AP3B1: variants seen among roughly 807,000 people sequenced by gnomAD.
AP3B1 encodes the protein AP-3 complex subunit beta-1.
In AP3B1, 61 loss-of-function variants were observed where a neutral mutation model predicts 132.5. That is an observed-to-expected ratio of 0.46 (90% CI 0.37 to 0.57). AP3B1 has a LOEUF of 0.57. Ranked by LOEUF, AP3B1 falls within the 20% of genes least tolerant of loss-of-function variation. The probability of loss-of-function intolerance (pLI) is 0.00; values close to 1 mark genes in which losing one functional copy is unlikely to be tolerated. For missense variants in AP3B1, 1,120 were observed against 1,289.4 expected, an observed-to-expected ratio of 0.87 and a Z score of 2.01; for synonymous variants, 388 against 438.3, an observed-to-expected ratio of 0.89 and a Z score of 1.43.
At position 78,163,603 on chromosome 5, in the gene AP3B1, ATG is replaced by A. The variant is rs568118758; in HGVS notation, c.1231-654_1231-653del. On this transcript the variant is annotated intron_variant, in intron 12 of 26. Transcript: ENST00000255194. ...TATGTGTGTGTGTGTATATATATAT[ATG>A]TGTGTGTGTGTATATATAGTATATA... Among the ~76,000 whole-genome samples the A allele has an allele frequency of 7.1e-3, 952 of 133,296 alleles. 8 individuals are homozygous for A. The highest frequency in any genetic ancestry group is 0.026 in the African/African-American group (907 of 34,986). 87.4% of individuals were successfully genotyped at this position (133,296 alleles called of 152,430 possible).
At chr5:78,036,424 G>A (rs187325447) in intron 23 of AP3B1, among the ~76,000 whole-genome samples, 6 of 152,084 alleles carry the variant, frequency 3.9e-5, no homozygotes, top group South Asian at 2.1e-4. Context: ...GCTCTGTTAC[G>A]CCACAACATT....
chr5:78,175,755 C>T, intron 10 of AP3B1, 29 bp downstream of exon 10: 1 of 1,610,500 alleles, frequency 6.2e-7, no homozygotes, highest in Non-Finnish European at 8.5e-7. Flanking sequence ...TCATGTGTCT[C>T]TTAAATTACG....
chr5:78,066,613 A>G (rs1030302815), intron 22 of AP3B1, among the ~76,000 whole-genome samples: 2 of 152,220 alleles, frequency 1.3e-5, no homozygotes, highest in African/African-American at 4.8e-5. Flanking sequence ...AGACAAAATT[A>G]GAGAAAAATG....
chr5:78,176,545 C>G (rs956844351), intron 9 of AP3B1, among the ~76,000 whole-genome samples: 3 of 151,994 alleles, frequency 2.0e-5, no homozygotes, highest in African/African-American at 7.2e-5. Context: ...AACAAGCACT[C>G]AATGAAAAAC....
At chr5:78,251,365 A>G (rs1473426104) in intron 2 of AP3B1, among the ~76,000 whole-genome samples, 1 of 152,196 alleles carries the variant, frequency 6.6e-6, no homozygotes, top group Non-Finnish European at 1.5e-5. Flanking sequence ...AAGAACCAAA[A>G]ATCAGGGGAG....
chr5:78,092,634 C>T (rs1230562107), intron 21 of AP3B1, among the ~76,000 whole-genome samples: 1 of 152,126 alleles, frequency 6.6e-6, no homozygotes, highest in African/African-American at 2.4e-5. Flanking sequence ...TAAGCTGGTA[C>T]AAGCTTTCTG....
chr5:78,099,729 A>G lies in AP3B1; in HGVS notation c.2470+1224T>C, dbSNP rs74531913. Among the ~76,000 whole-genome samples the G allele has an allele frequency of 7.8e-3, 1,191 of 152,116 alleles. 20 individuals carry two copies. The highest frequency in any genetic ancestry group is 0.027 in the African/African-American group (1,105 of 41,486). ...GGCTAACACAGTGAAACCCGCCTCT[A>G]CTAAAAAAAAATACAAAAAATTAGC... On this transcript the variant is annotated intron_variant, in intron 21 of 26. Transcript: ENST00000255194.
intron 1 of AP3B1, among the ~76,000 whole-genome samples, chr5:78,288,495 C>G (rs1222098026): frequency 6.6e-6 from 1 of 152,102 alleles, no homozygotes; most frequent in Non-Finnish European, 1.5e-5. Flanking sequence ...GTCAGTTAAT[C>G]CTAACCACAG....
Position 78,268,374 on chromosome 5 carries a change from C to G in AP3B1, c.129-779G>C, listed in dbSNP as rs1748414756. On this transcript the variant is annotated intron_variant, in intron 1 of 26. Coordinates refer to ENST00000255194, the MANE Select transcript of AP3B1 (RefSeq NM_003664.5). ...TGAAAAACCTAAACCCTAAAAGAAACCTTAAAAAAATCTTACTGAAGTTAG... is the reference window on the plus strand; with the variant it reads ...TGAAAAACCTAAACCCTAAAAGAAAGCTTAAAAAAATCTTACTGAAGTTAG... Among the ~76,000 whole-genome samples the G allele has an allele frequency of 1.3e-5, 2 of 151,692 alleles. 1 individual carries two copies. Among genetic ancestry groups the G allele is most frequent in the South Asian group, 4.2e-4 (2 of 4,800 alleles).
At chr5:78,042,895 C>A (rs182988842) in intron 22 of AP3B1, 191 of 173,386 alleles carry the variant, frequency 1.1e-3, no homozygotes, top group African/African-American at 4.4e-3. Flanking sequence ...AAGTGCTTGA[C>A]TGCCAAATGG....
rs147575089 is a variant in AP3B1, at chr5:78,025,109, A to C, written c.2895-4320T>G. ...TTACAAATAAACTTCTACAGAGTACATACTCAAAATATTTTTACTAATAGA... is the reference window on the plus strand; with the variant it reads ...TTACAAATAAACTTCTACAGAGTACCTACTCAAAATATTTTTACTAATAGA... On this transcript the variant is annotated intron_variant, in intron 24 of 26. Coordinates refer to ENST00000255194, the MANE Select transcript of AP3B1 (RefSeq NM_003664.5). 1.7e-4 allele frequency among the ~76,000 whole-genome samples: 26 copies of C among 152,352 alleles called. No homozygotes were observed. In the East Asian group the frequency reaches 4.8e-3, roughly 28 times the overall value.
chr5:78,157,898 G>A (rs775763402), intron 13 of AP3B1, among the ~76,000 whole-genome samples: 13 of 151,796 alleles, frequency 8.6e-5, no homozygotes, highest in Admixed American at 2.0e-4. Context: ...TTACAGGCGC[G>A]CGCCACCACG....
chr5:78,234,651 T>A (rs1479672734), intron 3 of AP3B1, among the ~76,000 whole-genome samples: 2 of 152,238 alleles, frequency 1.3e-5, no homozygotes, highest in Non-Finnish European at 1.5e-5. Flanking sequence ...CCCATCTGCC[T>A]GGAAGTGAAC....
At chr5:78,149,484 A>G (rs904244425) in intron 14 of AP3B1, among the ~76,000 whole-genome samples, 3 of 152,230 alleles carry the variant, frequency 2.0e-5, no homozygotes, top group African/African-American at 7.2e-5. Flanking sequence ...AAAATATAAA[A>G]GAGGCAATAA....
At chr5:78,124,899 G>A (rs1482335147) in intron 17 of AP3B1, among the ~76,000 whole-genome samples, 3 of 152,050 alleles carry the variant, frequency 2.0e-5, no homozygotes, top group African/African-American at 7.2e-5. Flanking sequence ...ATGCTCAAAC[G>A]TGCATTTTTT....
intron 11 of AP3B1, among the ~76,000 whole-genome samples, chr5:78,167,843 C>T (rs1166436044): frequency 6.6e-6 from 1 of 151,736 alleles, no homozygotes; most frequent in Admixed American, 6.6e-5. Context: ...AAGAATAATA[C>T]ACTGGACTTT....
intron 19 of AP3B1, among the ~76,000 whole-genome samples, chr5:78,113,093 A>T (rs1751666796): frequency 6.6e-6 from 1 of 152,252 alleles, no homozygotes; most frequent in East Asian, 1.9e-4. Context: ...GTCAGCCACG[A>T]CTGAGCCGGG....
intron 15 of AP3B1, among the ~76,000 whole-genome samples, chr5:78,134,176 T>C (rs987799815): frequency 1.4e-5 from 2 of 140,194 alleles, no homozygotes; most frequent in African/African-American, 5.4e-5. Flanking sequence ...AGAAATACAT[T>C]ATTTAAAAGA....
intron 3 of AP3B1, among the ~76,000 whole-genome samples, chr5:78,237,603 T>A (rs1746933087): frequency 6.6e-6 from 1 of 151,870 alleles, no homozygotes; most frequent in African/African-American, 2.4e-5. Flanking sequence ...AGCTCAGGAG[T>A]TCCACACCAG....
Sources: allele counts gnomAD v4.1 joint callset (sites outside exome capture counted in the v4.1 genomes callset), GRCh38; gene constraint gnomAD v4.1.1; transcripts MANE v1.5; gene names NCBI Gene and HGNC (gene_info 2026-07-23, HGNC 2026-07-21).